The following GTF2I variants were observed in gnomAD, a reference collection of about 807,000 sequenced individuals.
GTF2I encodes the protein general transcription factor IIi, also known as general transcription factor II-I.
GTF2I carries 12 observed loss-of-function variants against 67.6 expected under a neutral mutation model. That is an observed-to-expected ratio of 0.18 (90% CI 0.11 to 0.29). The LOEUF (loss-of-function observed/expected upper bound fraction) is 0.29. GTF2I is among the 10% of genes least tolerant of loss of function. The pLI is 1.00. For missense variants in GTF2I, 271 were observed against 580.1 expected (o/e 0.47, Z 5.47); for synonymous variants, 149 against 197.0 (o/e 0.76, Z 2.04).
chr7:74,709,427 T>G (rs1554402132), intron 8 of GTF2I, among the ~76,000 whole-genome samples: 1 of 152,000 alleles, frequency 6.6e-6, no homozygotes, highest in East Asian at 1.9e-4. Flanking sequence ...TATTATTCAT[T>G]TATTTATTTT....
At chr7:74,689,257 T>C (rs782764268) in intron 2 of GTF2I, 30 bp downstream of exon 2, 3 of 1,230,596 alleles carry the variant, frequency 2.4e-6, no homozygotes, top group Non-Finnish European at 3.6e-6. Context: ...CATTCCATAG[T>C]TGGGTAGGCC....
At chr7:74,703,387 C>CT (rs1374578978) in intron 6 of GTF2I, among the ~76,000 whole-genome samples, 16 of 147,548 alleles carry the variant, frequency 1.1e-4, no homozygotes, top group East Asian at 3.9e-4. Flanking sequence ...TTAACTTGTG[C>CT]TTTTTTTTTT....
Position 74,699,073 on chromosome 7 carries a change from G to T in GTF2I, c.351G>T (p.Glu117Asp). 1 of 1,513,774 alleles carries T rather than the reference G, an allele frequency of 6.6e-7. No homozygotes were observed. The highest frequency in any genetic ancestry group is 1.4e-5 in the South Asian group (1 of 72,362). The allele number at this position is 1,513,774 out of a possible 1,614,324, so 93.8% of individuals were successfully genotyped here. ...VEIETLRKTVEDYFCFCYGKA... is the reference protein window; with the variant it reads ...VEIETLRKTVDDYFCFCYGKA... ...TTGAAACACTCAGAAAAACAGTTGAGGACTATTTCTGCTTTTGCTATGGTA... is the reference window on the plus strand; with the variant it reads ...TTGAAACACTCAGAAAAACAGTTGATGACTATTTCTGCTTTTGCTATGGTA... Residue 117 changes from glutamate to aspartate, a missense_variant, in exon 4 of 35, where the codon GAG (glutamate) becomes GAT (aspartate). Glu to Asp is a conservative substitution (Grantham distance 45, BLOSUM62 2). Coordinates refer to ENST00000573035, the MANE Select transcript of GTF2I (RefSeq NM_032999.4).
intron 12 of GTF2I, among the ~76,000 whole-genome samples, chr7:74,725,055 A>C (rs1793577872): frequency 6.6e-6 from 1 of 152,242 alleles, no homozygotes; most frequent in Non-Finnish European, 1.5e-5. Flanking sequence ...ATGGTTGTTT[A>C]TACTTTGGAA....
rs587760373 is a variant in GTF2I at position 74,673,154 on chromosome 7, C to G, written c.-6+15086C>G. ...GGATTACAGGCCTGAGCCACTGCCC[C>G]GAGCTGAGTTTACTGTTTTAAGTGC... On this transcript the variant is annotated intron_variant, in intron 1 of 34. Transcript: ENST00000573035. Among the ~76,000 whole-genome samples the G allele has an allele frequency of 2.5e-4, 38 of 152,262 alleles. 1 individual carries two copies. Among genetic ancestry groups the G allele is most frequent in the Admixed American group, 2.2e-3 (33 of 15,280 alleles).
At chr7:74,673,507 G>C (rs1337225684) in intron 1 of GTF2I, among the ~76,000 whole-genome samples, 1 of 151,720 alleles carries the variant, frequency 6.6e-6, no homozygotes, top group Non-Finnish European at 1.5e-5. Context: ...TCAGCCTCCC[G>C]AGTAGCTGGA....
At chr7:74,676,344 G>T (rs587663454) in intron 1 of GTF2I, among the ~76,000 whole-genome samples, 1 of 152,114 alleles carries the variant, frequency 6.6e-6, no homozygotes, top group Non-Finnish European at 1.5e-5. Flanking sequence ...ATAGCCAGAC[G>T]TGGTGGCAGA....
chr7:74,671,403 A>G (rs1488605969), intron 1 of GTF2I, among the ~76,000 whole-genome samples: 1 of 150,312 alleles, frequency 6.7e-6, no homozygotes, highest in Admixed American at 6.6e-5. Context: ...TTTCTTTATT[A>G]TTTTGTCATT....
At chr7:74,701,471 T>A (rs944015489) in intron 6 of GTF2I, among the ~76,000 whole-genome samples, 24 of 152,264 alleles carry the variant, frequency 1.6e-4, no homozygotes, top group African/African-American at 5.8e-4. Context: ...CTGCCTTTTT[T>A]TTTTATTATT....
chr7:74,720,449 CAT>C (rs1792806984), intron 12 of GTF2I, among the ~76,000 whole-genome samples: 1 of 152,150 alleles, frequency 6.6e-6, no homozygotes, highest in South Asian at 2.1e-4. Flanking sequence ...TTTCATACTT[CAT>C]GTGTTAACTT....
intron 8 of GTF2I, among the ~76,000 whole-genome samples, chr7:74,707,859 C>A (rs1488420021): frequency 6.6e-6 from 1 of 152,028 alleles, no homozygotes; most frequent in Non-Finnish European, 1.5e-5. Flanking sequence ...ATGTACACAT[C>A]AGCATCATTA....
chr7:74,733,484 GC>G, intron 15 of GTF2I: 1 of 153,512 alleles, frequency 6.5e-6, no homozygotes, highest in South Asian at 2.0e-4. Flanking sequence ...TTAGTTGTGG[GC>G]TGGGTGTAGT....
Position 74,716,881 on chromosome 7 carries a change from A to C in GTF2I, c.824-13A>C, listed in dbSNP as rs782372427. 6.3e-7 allele frequency: 1 copy of C among 1,579,988 alleles called. No homozygotes were observed. The highest frequency in any genetic ancestry group is 2.2e-5 in the East Asian group (1 of 44,572). Reference sequence around the variant, plus strand: ...TTTATTGGTTTATTATATGTTGTTTATTTTCTTTTTAGGAAGCCACCATTC... The same window carrying C: ...TTTATTGGTTTATTATATGTTGTTTCTTTTCTTTTTAGGAAGCCACCATTC... On this transcript the variant is annotated splice_polypyrimidine_tract_variant and intron_variant, in intron 10 of 34. Coordinates refer to ENST00000573035, the MANE Select transcript of GTF2I (RefSeq NM_032999.4).
At chr7:74,663,018 G>C (rs1804659733) in intron 1 of GTF2I, among the ~76,000 whole-genome samples, 1 of 152,054 alleles carries the variant, frequency 6.6e-6, no homozygotes, top group Non-Finnish European at 1.5e-5. Flanking sequence ...AGGTGGACAG[G>C]TTGTTATCAT....
At chr7:74,716,451 G>A (rs1792274178) in intron 10 of GTF2I, among the ~76,000 whole-genome samples, 1 of 152,108 alleles carries the variant, frequency 6.6e-6, no homozygotes, top group Non-Finnish European at 1.5e-5. Context: ...AAAATGGAAA[G>A]CATGAAACAT....
intron 1 of GTF2I, among the ~76,000 whole-genome samples, chr7:74,659,789 C>T (rs59377175): frequency 0.18 from 26,827 of 152,024 alleles, 4,497 homozygotes; most frequent in African/African-American, 0.44. Context: ...GTGATCCTCC[C>T]GTTTAGGCCT....
intron 4 of GTF2I, 80 bp downstream of exon 4, chr7:74,699,175 C>G: frequency 3.0e-6 from 2 of 664,754 alleles, no homozygotes; most frequent in Non-Finnish European, 2.3e-6. Context: ...GTAATTGATT[C>G]GAAAATCATA....
chr7:74,668,853 T>C (rs1562936278), intron 1 of GTF2I, among the ~76,000 whole-genome samples: 1 of 152,060 alleles, frequency 6.6e-6, no homozygotes, highest in Non-Finnish European at 1.5e-5. Flanking sequence ...ATTACATATG[T>C]GAGCCACCGT....
chr7:74,677,798 T>TAAAAAAAAAAAAA (rs1806039310), intron 1 of GTF2I, among the ~76,000 whole-genome samples: 14 of 56,300 alleles, frequency 2.5e-4, no homozygotes, highest in South Asian at 5.9e-4. Context: ...AAAAAAAAAG[T>TAAAAAAAAAAAAA]AAATTTGGGT....
Sources: allele counts gnomAD v4.1 joint callset (sites outside exome capture counted in the v4.1 genomes callset), GRCh38; gene constraint gnomAD v4.1.1; transcripts MANE v1.5; gene names NCBI Gene and HGNC (gene_info 2026-07-23, HGNC 2026-07-21).